The following ABCA12 variants were observed in gnomAD, a reference collection of about 807,000 sequenced individuals.
The protein encoded by ABCA12 is ATP binding cassette subfamily A member 12, also known as glucosylceramide transporter ABCA12.
In ABCA12, 156 loss-of-function variants were observed where a neutral mutation model predicts 293.5. The observed-to-expected ratio is 0.53, with a 90% confidence interval of 0.47 to 0.61. The LOEUF (loss-of-function observed/expected upper bound fraction) is 0.61. Among genes scored for constraint, ABCA12 ranks in the 20% least tolerant of loss-of-function variants. The pLI, the probability that ABCA12 is intolerant of heterozygous loss-of-function variation, is 0.00. For synonymous variants in ABCA12, 1,063 were observed against 1,108.0 expected (o/e 0.96, Z 0.81); for missense variants, 2,797 against 3,090.2 (o/e 0.91, Z 2.25).
chr2:215,052,536 T>C lies in ABCA12; in HGVS notation c.458A>G (p.Tyr153Cys), dbSNP rs1301504361. The change falls in exon 5 of 53, where the codon TAT (tyrosine) becomes TGT (cysteine). Residue 153 changes from tyrosine (Y) to cysteine (C), a missense_variant. Physicochemically the swap from Tyr to Cys is radical, Grantham distance 194 (BLOSUM62 -2). Transcript: ENST00000272895. Reference sequence around the variant, plus strand: ...GAGCACTTGACTGCCATTGAAAGTATATGTTCCGGGGATTTCCAAATCAGA... The same window carrying C: ...GAGCACTTGACTGCCATTGAAAGTACATGTTCCGGGGATTTCCAAATCAGA... ...PSSDLEIPGT[Y>C]TFNGSQVLAR... 2 of 1,612,798 alleles carry C rather than the reference T, an allele frequency of 1.2e-6. No homozygotes were observed. Among genetic ancestry groups the C allele is most frequent in the South Asian group, 1.1e-5 (1 of 91,074 alleles).
chr2:214,960,177 T>C (rs1699074291), intron 39 of ABCA12, among the ~76,000 whole-genome samples: 1 of 152,156 alleles, frequency 6.6e-6, no homozygotes, highest in Non-Finnish European at 1.5e-5. Context: ...AGAAAAAATA[T>C]ATGGTTAAAG....
chr2:215,126,802 C>A (rs144149880), intron 1 of ABCA12, among the ~76,000 whole-genome samples: 3 of 152,092 alleles, frequency 2.0e-5, no homozygotes, highest in African/African-American at 7.2e-5. Context: ...TAGTTCTGCT[C>A]TGATCTCGGT....
chr2:215,030,438 C>T (rs1312813177), intron 9 of ABCA12, among the ~76,000 whole-genome samples: 4 of 113,634 alleles, frequency 3.5e-5, no homozygotes, highest in Non-Finnish European at 7.7e-5. Context: ...ACTAACAATA[C>T]AAAAAAAAAA....
intron 2 of ABCA12, among the ~76,000 whole-genome samples, chr2:215,080,073 T>C (rs560884089): frequency 4.6e-5 from 7 of 152,322 alleles, no homozygotes; most frequent in African/African-American, 1.4e-4. Context: ...CCACATGTAA[T>C]TGAAAAAACT....
chr2:215,044,707 T>A (rs1046156802), intron 7 of ABCA12, among the ~76,000 whole-genome samples: 7 of 152,158 alleles, frequency 4.6e-5, no homozygotes, highest in African/African-American at 1.7e-4. Context: ...GGGAAGCCAT[T>A]TGACCTCCAT....
chr2:214,968,714 A>G lies in ABCA12; in HGVS notation c.5778+6T>C, dbSNP rs758885900. The G allele has an allele frequency of 1.9e-6, 3 of 1,612,814 alleles. No individual in the cohort carries two copies. The highest frequency in any genetic ancestry group is 1.3e-5 in the African/African-American group (1 of 74,988). On this transcript the variant is annotated splice_donor_region_variant and intron_variant, in intron 38 of 52. Coordinates refer to ENST00000272895, the MANE Select transcript of ABCA12 (RefSeq NM_173076.3). Reference sequence around the variant, plus strand: ...ATAACATTCCAGAAAAAAGATCAAAATTTACCTTGGCAAGTGTTCTATTGG... The same window carrying G: ...ATAACATTCCAGAAAAAAGATCAAAGTTTACCTTGGCAAGTGTTCTATTGG...
chr2:215,099,465 C>T (rs529871725), intron 2 of ABCA12, among the ~76,000 whole-genome samples: 15 of 152,292 alleles, frequency 9.8e-5, no homozygotes, highest in East Asian at 1.9e-4. Flanking sequence ...GAAGCCAAGG[C>T]GGGCAGATCA....
At chr2:215,071,603 C>T (rs1371589187) in intron 2 of ABCA12, among the ~76,000 whole-genome samples, 1 of 152,080 alleles carries the variant, frequency 6.6e-6, no homozygotes, top group African/African-American at 2.4e-5. Flanking sequence ...GGTAAATTAA[C>T]CTAGGACTCT....
intron 1 of ABCA12, among the ~76,000 whole-genome samples, chr2:215,121,967 C>T (rs181018361): frequency 6.6e-6 from 1 of 152,142 alleles, no homozygotes; most frequent in Admixed American, 6.5e-5. Flanking sequence ...TCTTTATTAG[C>T]AGCATGAGGA....
intron 34 of ABCA12, 26 bp downstream of exon 34, chr2:214,975,759 C>G (rs569447288): frequency 1.9e-6 from 3 of 1,613,904 alleles, no homozygotes; most frequent in African/African-American, 1.3e-5. Context: ...TGGAAACATT[C>G]TTTTAGTTAA....
intron 8 of ABCA12, chr2:215,032,469 A>G (rs1700900159): frequency 6.4e-6 from 1 of 157,100 alleles, no homozygotes; most frequent in African/African-American, 2.4e-5. Flanking sequence ...GAGGGTGCAT[A>G]GTGTGGAAGG....
At chr2:215,096,018 G>A (rs1362488623) in intron 2 of ABCA12, among the ~76,000 whole-genome samples, 1 of 152,096 alleles carries the variant, frequency 6.6e-6, no homozygotes, top group Non-Finnish European at 1.5e-5. Context: ...CTCTTCACAC[G>A]GACGTGCATA....
At chr2:214,948,452 T>C in intron 47 of ABCA12, 144 bp downstream of exon 47, 1 of 852,652 alleles carries the variant, frequency 1.2e-6, no homozygotes, top group Non-Finnish European at 1.8e-6. Context: ...CCATTGCCAC[T>C]GCCAGAAGGA....
In ABCA12 at chr2:215,039,974, C is replaced by G. The variant is rs139734624; in HGVS notation, c.873-2909G>C. On this transcript the variant is annotated intron_variant, in intron 7 of 52. Coordinates refer to ENST00000272895, the MANE Select transcript of ABCA12 (RefSeq NM_173076.3). ...CTAAATTTTAATTGAAAAGTCTTCA[C>G]CTGTATTTAGATTTCATTAAATTTA... Among the ~76,000 whole-genome samples the G allele has an allele frequency of 4.0e-3, 609 of 152,132 alleles. 1 individual carries two copies. Among genetic ancestry groups the G allele is most frequent in the Non-Finnish European group, 5.4e-3 (366 of 67,994 alleles).
chr2:215,081,478 C>CAAAAAAAAAAAAAAAAAAAAAAA (rs1242587402), intron 2 of ABCA12, among the ~76,000 whole-genome samples: 1 of 17,434 alleles, frequency 5.7e-5, no homozygotes, highest in Non-Finnish European at 2.1e-4. Context: ...GACTCTGTCT[C>CAAAAAAAAAAAAAAAAAAAAAAA]AAAAAAAAAA....
intron 2 of ABCA12, among the ~76,000 whole-genome samples, chr2:215,070,492 T>C (rs773455467): frequency 2.0e-5 from 3 of 151,482 alleles, no homozygotes; most frequent in African/African-American, 7.3e-5. Flanking sequence ...AACTCGTCAG[T>C]CATTTAGCAT....
rs980433984 is a variant in ABCA12, at chr2:215,064,710, C to G, written c.164-491G>C. On this transcript the variant is annotated intron_variant, in intron 2 of 52. Coordinates refer to ENST00000272895, the MANE Select transcript of ABCA12 (RefSeq NM_173076.3). The stretch of plus-strand genomic sequence containing the variant: ...TAATACACGCACACACACACACACA[C>G]ACACACACACACACACACACACAAA... Among the ~76,000 whole-genome samples, 13 of 151,372 alleles carry G rather than the reference C, an allele frequency of 8.6e-5. No homozygotes were observed. In the Admixed American group the frequency reaches 8.6e-4, roughly 10 times the overall value.
At chr2:215,025,260 T>C (rs1700712339) in intron 11 of ABCA12, 1 of 165,872 alleles carries the variant, frequency 6.0e-6, no homozygotes, top group Admixed American at 6.0e-5. Context: ...AGATCTCCAC[T>C]GATTAAAAAA....
chr2:215,112,508 T>TTG (rs796736994), intron 1 of ABCA12, among the ~76,000 whole-genome samples: 10,518 of 131,328 alleles, frequency 0.08, 418 homozygotes, highest in Admixed American at 0.15. Flanking sequence ...TTTTTTTTTG[T>TTG]TTTTTTTTGA....
Sources: gnomAD v4.1 joint callset for allele counts (sites outside exome capture counted in the v4.1 genomes callset) on GRCh38, gnomAD v4.1.1 for gene constraint, MANE v1.5 for transcripts, NCBI Gene and HGNC (gene_info 2026-07-23, HGNC 2026-07-21) for gene names.